The following SUPT3H variants were observed in gnomAD, a reference collection of about 807,000 sequenced individuals.
SUPT3H encodes SPT3 homolog, SAGA and STAGA complex component.
A neutral mutation model predicts 44.3 loss-of-function variants in SUPT3H; 44 were observed. The ratio of observed to expected loss-of-function variants is 0.99; its 90% CI spans 0.78 to 1.28. SUPT3H has a LOEUF of 1.28. Among genes scored for constraint, SUPT3H ranks in the 50% most tolerant of loss-of-function variants. The probability of loss-of-function intolerance (pLI) is 0.00; values close to 1 mark genes in which losing one functional copy is unlikely to be tolerated. For synonymous variants in SUPT3H, 124 were observed against 125.6 expected, an observed-to-expected ratio of 0.99 and a Z score of 0.09; for missense variants, 380 against 387.1, an observed-to-expected ratio of 0.98 and a Z score of 0.15.
At chr6:45,242,387 T>C (rs1770526621) in intron 2 of SUPT3H, among the ~76,000 whole-genome samples, 1 of 152,198 alleles carries the variant, frequency 6.6e-6, no homozygotes, top group South Asian at 2.1e-4. Flanking sequence ...TCTCCACTGA[T>C]GTCCCCTTGA....
At chr6:45,092,168 C>T (rs1011714227) in intron 3 of SUPT3H, among the ~76,000 whole-genome samples, 2 of 151,868 alleles carry the variant, frequency 1.3e-5, no homozygotes, top group Non-Finnish European at 2.9e-5. Flanking sequence ...TATTAATTGC[C>T]TTGGTCCTTT....
rs200009213 is a variant in SUPT3H, at chr6:45,222,717, CAT to C, written c.102-116713_102-116712del. Among the ~76,000 whole-genome samples, 867 of 152,172 alleles carry C rather than the reference CAT, an allele frequency of 5.7e-3. 3 individuals carry two copies. Among genetic ancestry groups the C allele is most frequent in the Admixed American group, 7.6e-3 (116 of 15,290 alleles). Reference sequence around the variant, plus strand: ...GGCATTTATTCCAGAGAAATGAAAACATGTGTTCACGCAAAATTCTGTATATA... The same window carrying C: ...GGCATTTATTCCAGAGAAATGAAAACGTGTTCACGCAAAATTCTGTATATA... On this transcript the variant is annotated intron_variant, in intron 2 of 10. Coordinates refer to ENST00000371459, the MANE Select transcript of SUPT3H (RefSeq NM_003599.4).
At chr6:45,036,849 G>T (rs935539366) in intron 3 of SUPT3H, among the ~76,000 whole-genome samples, 4 of 152,116 alleles carry the variant, frequency 2.6e-5, no homozygotes, top group Non-Finnish European at 4.4e-5. Context: ...TAAGAAGTAA[G>T]ATAGGACATA....
intron 3 of SUPT3H, among the ~76,000 whole-genome samples, chr6:45,060,791 G>A (rs547861824): frequency 2.6e-5 from 4 of 152,092 alleles, no homozygotes; most frequent in South Asian, 2.1e-4. Context: ...GGCAAAGGAC[G>A]TGAACAGACA....
At chr6:45,333,145 T>G (rs1787850406) in intron 2 of SUPT3H, among the ~76,000 whole-genome samples, 1 of 151,762 alleles carries the variant, frequency 6.6e-6, no homozygotes, top group Non-Finnish European at 1.5e-5. Flanking sequence ...AAGTCTCACA[T>G]AATGAAATTT....
intron 2 of SUPT3H, among the ~76,000 whole-genome samples, chr6:45,187,886 T>C (rs2153616798): frequency 6.6e-6 from 1 of 152,382 alleles, no homozygotes; most frequent in South Asian, 2.1e-4. Flanking sequence ...TTTCACTTTC[T>C]GAGGTTTCAG....
chr6:45,367,862 G>A (rs1795410472), intron 1 of SUPT3H, among the ~76,000 whole-genome samples: 1 of 152,070 alleles, frequency 6.6e-6, no homozygotes, highest in Non-Finnish European at 1.5e-5. Flanking sequence ...TATCAAACAG[G>A]TGAATAACAT....
intron 3 of SUPT3H, among the ~76,000 whole-genome samples, chr6:45,055,620 C>T (rs539840578): frequency 1.3e-5 from 2 of 152,124 alleles, no homozygotes; most frequent in South Asian, 2.1e-4. Flanking sequence ...GCAAGCTACA[C>T]GTAGAAGAAT....
chr6:44,936,180 A>G (rs1168190181), intron 9 of SUPT3H, among the ~76,000 whole-genome samples: 1 of 152,192 alleles, frequency 6.6e-6, no homozygotes, highest in African/African-American at 2.4e-5. Flanking sequence ...TTACACACAT[A>G]GCTCCTCCAA....
At chr6:45,201,850 T>A (rs1444743461) in intron 2 of SUPT3H, among the ~76,000 whole-genome samples, 2 of 151,930 alleles carry the variant, frequency 1.3e-5, no homozygotes, top group African/African-American at 4.8e-5. Context: ...TTTACCAAAC[T>A]ACCTTATGCT....
At chr6:44,818,598 T>C (rs1201583255) in intron 11 of SUPT3H, among the ~76,000 whole-genome samples, 1 of 152,162 alleles carries the variant, frequency 6.6e-6, no homozygotes, top group Non-Finnish European at 1.5e-5. Context: ...ATAACACTTA[T>C]ATTGTAAAGA....
chr6:45,284,041 C>G (rs1440940139), intron 2 of SUPT3H, among the ~76,000 whole-genome samples: 1 of 152,076 alleles, frequency 6.6e-6, no homozygotes, highest in Non-Finnish European at 1.5e-5. Flanking sequence ...TTCTTTGAAA[C>G]CAACGAGAAC....
chr6:44,861,368 G>A (rs933137974), intron 10 of SUPT3H, among the ~76,000 whole-genome samples: 2 of 122,372 alleles, frequency 1.6e-5, no homozygotes, highest in African/African-American at 5.8e-5. Flanking sequence ...ATGATGCTCA[G>A]CCACAGTTTT....
intron 2 of SUPT3H, among the ~76,000 whole-genome samples, chr6:45,231,916 T>A (rs1434379683): frequency 1.3e-5 from 2 of 152,188 alleles, no homozygotes; most frequent in African/African-American, 4.8e-5. Context: ...AAGGAATTCA[T>A]CAGTTCCAGA....
At chr6:45,010,399 T>C (rs1242208046) in intron 5 of SUPT3H, among the ~76,000 whole-genome samples, 4 of 152,286 alleles carry the variant, frequency 2.6e-5, no homozygotes, top group Non-Finnish European at 5.9e-5. Context: ...ATGGACATCT[T>C]TGTCTTGTTC....
At chr6:45,129,639 T>A (rs1285001) in intron 2 of SUPT3H, among the ~76,000 whole-genome samples, 3,097 of 152,266 alleles carry the variant, frequency 0.02, 43 homozygotes, top group Non-Finnish European at 0.032. Flanking sequence ...AGCTACTGAT[T>A]TTTGTACGTC....
At position 45,105,987 on chromosome 6, in the gene SUPT3H, T is replaced by C; in HGVS notation, c.121A>G (p.Arg41Gly). The change falls in exon 3 of 11, where the codon AGA becomes GGA. Residue 41 changes from arginine (R) to glycine (G), a missense_variant. Transcript: ENST00000371459. ...QSMMYSLGDA[R>G]RPLHETAVLV... ...ACTGCTGTTTCATGAAGAGGCCTTC[T>C]AGCATCACCTAAAGAATACCTGCAA... The C allele has an allele frequency of 6.2e-7, 1 of 1,613,660 alleles. No individual in the cohort carries two copies. Among genetic ancestry groups the C allele is most frequent in the Middle Eastern group, 1.7e-4 (1 of 6,058 alleles).
chr6:45,177,587 C>G (rs928828362), intron 2 of SUPT3H, among the ~76,000 whole-genome samples: 2 of 151,788 alleles, frequency 1.3e-5, no homozygotes, highest in African/African-American at 2.4e-5. Flanking sequence ...AGATACTCCT[C>G]GAGAAGAGCA....
In SUPT3H at chr6:44,827,760, G is replaced by A. The variant is rs1767925841; in HGVS notation, c.*2056C>T. Among the ~76,000 whole-genome samples, 2 of 151,982 alleles carry A rather than the reference G, an allele frequency of 1.3e-5. No homozygotes were observed. The highest frequency in any genetic ancestry group is 2.1e-4 in the South Asian group (1 of 4,814). Reference sequence around the variant, plus strand: ...AATTAAAAATATTGAGCAATTATGGGGACATGTAGGCTGGTTCAGGACAGA... The same window carrying A: ...AATTAAAAATATTGAGCAATTATGGAGACATGTAGGCTGGTTCAGGACAGA... On this transcript the variant is annotated 3_prime_UTR_variant, in exon 11 of 11. Transcript: ENST00000371459.
Sources: gnomAD v4.1 joint callset for allele counts (sites outside exome capture counted in the v4.1 genomes callset) on GRCh38, gnomAD v4.1.1 for gene constraint, MANE v1.5 for transcripts, NCBI Gene and HGNC (gene_info 2026-07-23, HGNC 2026-07-21) for gene names.